Variants in PRR14L observed in about 807,000 individuals in gnomAD.
The protein encoded by PRR14L is proline rich 14 like, also known as protein PRR14L.
A neutral mutation model predicts 155.0 loss-of-function variants in PRR14L; 80 were observed. That is an observed-to-expected ratio of 0.52 (90% confidence interval 0.43 to 0.62). The LOEUF (loss-of-function observed/expected upper bound fraction) is 0.62. Among genes scored for constraint, PRR14L ranks in the 20% least tolerant of loss-of-function variants. The pLI is 0.00. For synonymous variants in PRR14L, 883 were observed against 916.0 expected, an observed-to-expected ratio of 0.96 and a Z score of 0.65; for missense variants, 2,469 against 2,548.0, an observed-to-expected ratio of 0.97 and a Z score of 0.67.
chr22:31,688,348 A>C (rs11089522), intron 7 of PRR14L, 121 bp from the exon 8 acceptor site: 166,256 of 1,255,774 alleles, frequency 0.13, 13,718 homozygotes, highest in African/African-American at 0.39. Flanking sequence ...CTGCAGCCTT[A>C]AACTCTAGCC....
At position 31,713,121 on chromosome 22, in the gene PRR14L, G is replaced by A. The variant is rs1003217802; in HGVS notation, c.4718C>T (p.Pro1573Leu). Residue 1573 changes from proline (P) to leucine (L), a missense_variant, in exon 4 of 9, where the codon CCT becomes CTT. Physicochemically the swap from Pro to Leu is moderately conservative, Grantham distance 98. Around this residue, in one of 2 missense-constraint regions of PRR14L, gnomAD observed 2,363 missense variants for 2,371.6 expected, o/e 1.00. Transcript: ENST00000327423. ...TGCTGTTTCAGGTTCTAATCGTGTA[G>A]GTGCAGACAGAGTACACAAACTGAG... ...RLLSLCTLSAPTRLEPETAPT... is the reference protein window; with the variant it reads ...RLLSLCTLSALTRLEPETAPT... 20 of 1,552,060 alleles carry A rather than the reference G, an allele frequency of 1.3e-5. No individual in the cohort carries two copies. The African/African-American group carries it at 2.5e-4, about 19-fold the overall frequency.
Position 31,713,910 on chromosome 22 carries a change from T to C in PRR14L, c.3929A>G (p.Lys1310Arg). 1.3e-6 allele frequency: 2 copies of C among 1,551,954 alleles called. No homozygotes were observed. Among genetic ancestry groups the C allele is most frequent in the South Asian group, 1.2e-5 (1 of 84,056 alleles). Residue 1310 changes from lysine (K) to arginine (R), a missense_variant, in exon 4 of 9, where the codon AAA (lysine) becomes AGA (arginine). Lys to Arg is a conservative substitution (Grantham distance 26, BLOSUM62 2). Around this residue, in one of 2 missense-constraint regions of PRR14L, gnomAD observed 2,363 missense variants for 2,371.6 expected, o/e 1.00. Coordinates refer to ENST00000327423, the MANE Select transcript of PRR14L (RefSeq NM_173566.3). ...GGAATTCTCGTGAGGGTGACAAGCT[T>C]TGCAAGCATTCTTTTCCACACAGGT... is the stretch of plus-strand genomic sequence containing the variant. ...VCTCVEKNAC[K>R]ACHPHENSSD...
In PRR14L at chr22:31,713,755, C is replaced by T; in HGVS notation, c.4084G>A (p.Glu1362Lys). 2 of 1,552,384 alleles carry T rather than the reference C, an allele frequency of 1.3e-6. No individual in the cohort carries two copies. The highest frequency in any genetic ancestry group is 1.7e-6 in the Non-Finnish European group (2 of 1,147,150). ...GEQSEELVTR[E>K]TGDGDPVSNI... ...CTCACGGGATCGCCATCGCCAGTTTCTCTGGTAACCAACTCCTCAGATTGC... is the reference window on the plus strand; with the variant it reads ...CTCACGGGATCGCCATCGCCAGTTTTTCTGGTAACCAACTCCTCAGATTGC... Residue 1362 changes from glutamate (E) to lysine (K), a missense_variant, in exon 4 of 9, where the codon GAA becomes AAA. Transcript: ENST00000327423.
rs2074574341 is a variant in PRR14L at position 31,703,641 on chromosome 22, G to A, written c.5909C>T (p.Ala1970Val). The A allele has an allele frequency of 3.1e-6, 5 of 1,613,404 alleles. No homozygotes were observed. The East Asian group carries it at 8.9e-5, about 29-fold the overall frequency. The change falls in exon 6 of 9, where the codon GCC becomes GTC. Residue 1970 changes from alanine to valine, a missense_variant. Physicochemically the swap from Ala to Val is moderately conservative, Grantham distance 64 (BLOSUM62 0). Around this residue, in one of 2 missense-constraint regions of PRR14L, gnomAD observed 2,363 missense variants for 2,371.6 expected, o/e 1.00. Coordinates refer to ENST00000327423, the MANE Select transcript of PRR14L (RefSeq NM_173566.3). ...ESAVSKLLLS[A>V]SEFQVRGLDE... is the part of the protein sequence containing the mutation. ...CAATCCACGAACCTGGAACTCAGAG[G>A]CTGAAAGCAGGAGCTTGCTGACAGC...
chr22:31,721,282 A>C (rs1265924907), intron 3 of PRR14L, among the ~76,000 whole-genome samples: 1 of 152,246 alleles, frequency 6.6e-6, no homozygotes, highest in African/African-American at 2.4e-5. Context: ...AATGATAGGC[A>C]AAAGTGCATC....
chr22:31,720,165 G>A (rs1330917001), intron 3 of PRR14L, among the ~76,000 whole-genome samples: 2 of 152,160 alleles, frequency 1.3e-5, no homozygotes, highest in Non-Finnish European at 2.9e-5. Context: ...GACAGTGCCT[G>A]CTATATAAAA....
intron 7 of PRR14L, among the ~76,000 whole-genome samples, chr22:31,694,638 G>A (rs538501079): frequency 1.3e-5 from 2 of 151,968 alleles, no homozygotes; most frequent in African/African-American, 4.8e-5. Flanking sequence ...TGTAGTCCCA[G>A]CTATTCGGGA....
chr22:31,726,886 T>C (rs1313408016), intron 2 of PRR14L, among the ~76,000 whole-genome samples: 1 of 152,198 alleles, frequency 6.6e-6, no homozygotes, highest in Non-Finnish European at 1.5e-5. Context: ...TTCATGAGAC[T>C]GTAGACACCT....
Position 31,713,679 on chromosome 22 carries a change from T to C in PRR14L, c.4160A>G (p.Glu1387Gly), listed in dbSNP as rs1470282608. 95 of 1,552,040 alleles carry C rather than the reference T, an allele frequency of 6.1e-5. No individual in the cohort carries two copies. The highest frequency in any genetic ancestry group is 8.0e-5 in the Non-Finnish European group (92 of 1,147,098). Residue 1387 changes from glutamate to glycine, a missense_variant, in exon 4 of 9, where the codon GAA becomes GGA. Glu to Gly is a moderately conservative substitution (Grantham distance 98, BLOSUM62 -2). This residue lies in a region of PRR14L where 2,363 missense variants were observed against 2,371.6 expected (regional missense o/e 1.00). Coordinates refer to ENST00000327423, the MANE Select transcript of PRR14L (RefSeq NM_173566.3). ...FKCRGILNHA[E>G]KQQSPEVLDY... ...CAAAACCTCAGGGCTCTGCTGTTTTTCAGCATGATTAAGTATCCCCCGGCA... is the reference window on the plus strand; with the variant it reads ...CAAAACCTCAGGGCTCTGCTGTTTTCCAGCATGATTAAGTATCCCCCGGCA...
At chr22:31,726,465 C>T (rs2074717360) in intron 2 of PRR14L, among the ~76,000 whole-genome samples, 1 of 152,050 alleles carries the variant, frequency 6.6e-6, no homozygotes, top group Admixed American at 6.6e-5. Context: ...CAGGGTTTCA[C>T]CATGTTGGCC....
At chr22:31,734,988 C>T (rs951820509) in intron 2 of PRR14L, among the ~76,000 whole-genome samples, 5 of 152,156 alleles carry the variant, frequency 3.3e-5, no homozygotes, top group African/African-American at 4.8e-5. Flanking sequence ...CCCCTTTCCC[C>T]GTAAGTATTT....
At chr22:31,705,039 C>G (rs1321206055) in intron 4 of PRR14L, among the ~76,000 whole-genome samples, 2 of 152,106 alleles carry the variant, frequency 1.3e-5, no homozygotes, top group South Asian at 4.1e-4. Flanking sequence ...GTGGGCAGAT[C>G]GCTTCAGCCT....
At chr22:31,717,785 G>A (rs1341435525) in intron 3 of PRR14L, among the ~76,000 whole-genome samples, 1 of 152,078 alleles carries the variant, frequency 6.6e-6, no homozygotes, top group Non-Finnish European at 1.5e-5. Context: ...TTTTCAGACA[G>A]AGTCTTGCTC....
At chr22:31,700,977 T>C (rs556105279) in intron 7 of PRR14L, among the ~76,000 whole-genome samples, 1 of 150,772 alleles carries the variant, frequency 6.6e-6, no homozygotes, top group Non-Finnish European at 1.5e-5. Context: ...CAGAAGAAAA[T>C]ATAAGTTTGG....
chr22:31,688,268 C>CTT, intron 7 of PRR14L, 41 bp from the exon 8 acceptor site: 2 of 1,520,190 alleles, frequency 1.3e-6, no homozygotes, highest in African/African-American at 2.8e-5. Flanking sequence ...GGTTCTCTCT[C>CTT]TCTTTTTTTT....
chr22:31,729,361 G>A (rs2074735547), intron 2 of PRR14L, among the ~76,000 whole-genome samples: 1 of 152,084 alleles, frequency 6.6e-6, no homozygotes, highest in Non-Finnish European at 1.5e-5. Context: ...ACAGGCACCC[G>A]CCACTACGCC....
At chr22:31,725,951 G>C (rs2074714403) in intron 2 of PRR14L, among the ~76,000 whole-genome samples, 1 of 151,934 alleles carries the variant, frequency 6.6e-6, no homozygotes, top group Non-Finnish European at 1.5e-5. Flanking sequence ...TTACAGGCGT[G>C]AGCCACCACG....
chr22:31,704,564 C>T (rs5998098), intron 5 of PRR14L, 91 bp downstream of exon 5: 74,141 of 996,234 alleles, frequency 0.074, 3,649 homozygotes, highest in African/African-American at 0.18. Flanking sequence ...AAAGTCATGC[C>T]ACAGACGATC....
chr22:31,735,909 C>T (rs1569500677), intron 2 of PRR14L, among the ~76,000 whole-genome samples: 1 of 151,690 alleles, frequency 6.6e-6, no homozygotes, highest in East Asian at 1.9e-4. Flanking sequence ...AAAAATTAGC[C>T]GGGCATGGTG....
Sources: allele counts gnomAD v4.1 joint callset (sites outside exome capture counted in the v4.1 genomes callset), GRCh38; gene constraint gnomAD v4.1.1; regional missense constraint gnomAD v4.1.1; transcripts MANE v1.5; gene names NCBI Gene and HGNC (gene_info 2026-07-23, HGNC 2026-07-21).